Variants in AK8 observed in about 807,000 individuals in gnomAD.
The protein encoded by AK8 is ATP-AMP transphosphorylase 8.
In AK8, 44 loss-of-function variants were observed where a neutral mutation model predicts 54.6. The ratio of observed to expected loss-of-function variants is 0.81; its 90% CI spans 0.63 to 1.04. The LOEUF (loss-of-function observed/expected upper bound fraction) is 1.04, where lower values mean the gene tolerates loss of function less well. Among genes scored for constraint, AK8 ranks in the 50% least tolerant of loss-of-function variants. The pLI, the probability that AK8 is intolerant of heterozygous loss-of-function variation, is 0.00. For synonymous variants in AK8, 239 were observed against 245.6 expected (o/e 0.97, Z 0.25); for missense variants, 555 against 613.6 (o/e 0.90, Z 1.01).
At chr9:132,852,017 A>C (rs1297526256) in intron 5 of AK8, among the ~76,000 whole-genome samples, 1 of 152,228 alleles carries the variant, frequency 6.6e-6, no homozygotes, top group Non-Finnish European at 1.5e-5. Context: ...AACTGGTAAA[A>C]ACACAGAAAG....
chr9:132,749,757 C>T (rs1384782395), intron 11 of AK8, among the ~76,000 whole-genome samples: 1 of 149,760 alleles, frequency 6.7e-6, no homozygotes, highest in Non-Finnish European at 1.5e-5. Flanking sequence ...TTTTTTAAAT[C>T]GATATGAAAA....
At chr9:132,769,597 T>G (rs1838870035) in intron 11 of AK8, 1 of 152,050 alleles carries the variant, frequency 6.6e-6, no homozygotes, top group Admixed American at 6.6e-5. Context: ...AAGGAAGATT[T>G]GTCTAAAATG....
At chr9:132,734,612 G>A (rs565839659) in intron 11 of AK8, among the ~76,000 whole-genome samples, 10 of 152,234 alleles carry the variant, frequency 6.6e-5, no homozygotes, top group South Asian at 2.1e-4. Context: ...GTGGCGCACC[G>A]ATAGTTCTGG....
intron 10 of AK8, among the ~76,000 whole-genome samples, chr9:132,795,426 T>C (rs1288450072): frequency 2.0e-5 from 3 of 152,150 alleles, no homozygotes; most frequent in African/African-American, 7.2e-5. Context: ...TGTGAAAGAA[T>C]TTGGTCTGTC....
intron 11 of AK8, among the ~76,000 whole-genome samples, chr9:132,733,828 C>A (rs1302980291): frequency 1.3e-5 from 2 of 148,728 alleles, no homozygotes; most frequent in Non-Finnish European, 3.0e-5. Flanking sequence ...GCTGGGCAGA[C>A]CCTCCTGGTG....
chr9:132,790,835 G>A lies in AK8; in HGVS notation c.1121+1799C>T, dbSNP rs545433651. On this transcript the variant is annotated intron_variant, in intron 11 of 12. Coordinates refer to ENST00000298545, the MANE Select transcript of AK8 (RefSeq NM_152572.3). The surrounding 1 kb of genome is among the most constrained non-coding windows in gnomAD (Gnocchi z 4.1). ...AACAGTAAGAGGGTTTGAGAAGGTG[G>A]CTGGGGTATAAAATAAGTAAGCCAA... Among the ~76,000 whole-genome samples the A allele has an allele frequency of 2.0e-4, 30 of 152,266 alleles. No individual in the cohort carries two copies. Among genetic ancestry groups the A allele is most frequent in the South Asian group, 6.2e-4 (3 of 4,816 alleles).
intron 10 of AK8, among the ~76,000 whole-genome samples, chr9:132,800,616 A>G (rs894634203): frequency 6.6e-6 from 1 of 152,150 alleles, no homozygotes; most frequent in African/African-American, 2.4e-5. Context: ...CTACTCTAAT[A>G]TCTCTACTGC....
At chr9:132,749,544 T>A (rs1196523539) in intron 11 of AK8, among the ~76,000 whole-genome samples, 4 of 151,818 alleles carry the variant, frequency 2.6e-5, no homozygotes, top group African/African-American at 9.7e-5. Flanking sequence ...GTCACCCCCA[T>A]CTTATGGATG....
intron 3 of AK8, among the ~76,000 whole-genome samples, chr9:132,866,141 T>G (rs1420580877): frequency 6.6e-6 from 1 of 152,194 alleles, no homozygotes; most frequent in African/African-American, 2.4e-5. Context: ...GAGGTTGCAG[T>G]GAGCCCAGAT....
intron 11 of AK8, among the ~76,000 whole-genome samples, chr9:132,773,040 C>A (rs923715730): frequency 1.3e-5 from 2 of 152,158 alleles, no homozygotes; most frequent in African/African-American, 4.8e-5. Flanking sequence ...TTGCTCAAGC[C>A]CCACACAGTG....
At chr9:132,867,011 C>T in intron 2 of AK8, 58 bp from the exon 3 acceptor site, 1 of 1,522,108 alleles carries the variant, frequency 6.6e-7, no homozygotes, top group Non-Finnish European at 9.1e-7. Flanking sequence ...CCTCCCACAC[C>T]TGCGGTACTC....
intron 11 of AK8, among the ~76,000 whole-genome samples, chr9:132,785,998 G>C (rs1360835119): frequency 6.6e-6 from 1 of 152,214 alleles, no homozygotes; most frequent in Non-Finnish European, 1.5e-5. Context: ...AGGACAGAAA[G>C]AACAGGGAAG....
intron 2 of AK8, among the ~76,000 whole-genome samples, chr9:132,870,520 C>T (rs895434064): frequency 2.6e-5 from 4 of 152,150 alleles, no homozygotes; most frequent in East Asian, 1.9e-4. Context: ...TGATAAAAAA[C>T]GAAACATACC....
At chr9:132,763,750 T>C (rs1346922900) in intron 11 of AK8, among the ~76,000 whole-genome samples, 1 of 152,242 alleles carries the variant, frequency 6.6e-6, no homozygotes, top group Admixed American at 6.5e-5. Flanking sequence ...CTGTTCTGGT[T>C]TGGGGGGCTG....
chr9:132,754,642 G>A (rs918384124), intron 11 of AK8, among the ~76,000 whole-genome samples: 1 of 152,118 alleles, frequency 6.6e-6, no homozygotes, highest in Non-Finnish European at 1.5e-5. Context: ...TTCCCGGGAG[G>A]ACAGTTGAGC....
At chr9:132,852,820 A>G (rs1484501514) in intron 5 of AK8, among the ~76,000 whole-genome samples, 3 of 151,148 alleles carry the variant, frequency 2.0e-5, no homozygotes, top group African/African-American at 4.9e-5. Flanking sequence ...ATGATAAGAA[A>G]AAAAAAGACT....
chr9:132,827,969 C>T (rs921949194), intron 7 of AK8, 44 bp downstream of exon 7: 1 of 1,535,528 alleles, frequency 6.5e-7, no homozygotes, highest in Admixed American at 2.0e-5. Flanking sequence ...TCACCATGGA[C>T]TCTGAAACCC....
rs763990755 is a variant in AK8 at position 132,875,098 on chromosome 9, C to T, written c.169+17G>A. ...GAAGGGAAGACGAGGAGGGGAAGAG[C>T]CCCAGCCAGTGCTCACCATTGTCGT... On this transcript the variant is annotated intron_variant, in intron 2 of 12. Transcript: ENST00000298545. 9 of 1,613,520 alleles carry T rather than the reference C, an allele frequency of 5.6e-6. No individual in the cohort carries two copies. Among genetic ancestry groups the T allele is most frequent in the Non-Finnish European group, 7.6e-6 (9 of 1,179,824 alleles).
chr9:132,828,364 C>A (rs952636768), intron 6 of AK8, among the ~76,000 whole-genome samples: 1 of 152,198 alleles, frequency 6.6e-6, no homozygotes, highest in African/African-American at 2.4e-5. Context: ...CATCTCTGTG[C>A]GCACTAAATG....
Sources: allele counts gnomAD v4.1 joint callset (sites outside exome capture counted in the v4.1 genomes callset), GRCh38; gene constraint gnomAD v4.1.1; non-coding constraint Gnocchi (gnomAD v3.1); transcripts MANE v1.5; gene names NCBI Gene and HGNC (gene_info 2026-07-23, HGNC 2026-07-21).